Variants in XRRA1 observed in about 807,000 individuals in gnomAD.
The protein encoded by XRRA1 is X-ray radiation resistance-associated protein 1.
In XRRA1, 69 loss-of-function variants were observed where a neutral mutation model predicts 80.2. The observed-to-expected ratio is 0.86, with a 90% CI of 0.71 to 1.05. XRRA1 has a LOEUF of 1.05. Among genes scored for constraint, XRRA1 ranks in the 50% least tolerant of loss-of-function variants. XRRA1 has a pLI of 0.00. For missense variants in XRRA1, 967 were observed against 976.4 expected (o/e 0.99, Z 0.13); for synonymous variants, 348 against 389.9 (o/e 0.89, Z 1.27).
At position 74,881,602 on chromosome 11, in the gene XRRA1, C is replaced by T. The variant is rs912629964; in HGVS notation, c.1004-18581G>A. Reference sequence around the variant, plus strand: ...GGCATGATTTTGCAGCAGCTGGTACCGGTTGTTCCTTTCCATGTTTAGTGC... The same window carrying T: ...GGCATGATTTTGCAGCAGCTGGTACTGGTTGTTCCTTTCCATGTTTAGTGC... On this transcript the variant is annotated intron_variant, in intron 10 of 18. Coordinates refer to ENST00000684022, the MANE Select transcript of XRRA1 (RefSeq NM_001378157.1). 1.7e-4 allele frequency among the ~76,000 whole-genome samples: 25 copies of T among 150,950 alleles called. 1 individual carries two copies. Among genetic ancestry groups the T allele is most frequent in the East Asian group, 1.4e-3 (7 of 5,162 alleles).
Position 74,851,180 on chromosome 11 carries a change from A to T in XRRA1, c.1288T>A (p.Phe430Ile), listed in dbSNP as rs1285570619. ...TGGATTCCCAGTCGCTCCTGGAGGA[A>T]GCTCTTCAGCAGTGGAGGGACCCCT... is the stretch of plus-strand genomic sequence containing the variant. ...TRGVPPLLKS[F>I]LQERLGIHLI... Residue 430 changes from phenylalanine (F) to isoleucine (I), a missense_variant, in exon 14 of 19, where the codon TTC becomes ATC. Physicochemically the swap from Phe to Ile is conservative, Grantham distance 21. Coordinates refer to ENST00000684022, the MANE Select transcript of XRRA1 (RefSeq NM_001378157.1). 1 of 1,612,470 alleles carries T rather than the reference A, an allele frequency of 6.2e-7. No homozygotes were observed.
At chr11:74,872,116 G>T (rs1471793851) in intron 10 of XRRA1, among the ~76,000 whole-genome samples, 1 of 152,150 alleles carries the variant, frequency 6.6e-6, no homozygotes, top group Non-Finnish European at 1.5e-5. Flanking sequence ...GAATGGAAAA[G>T]GAAACACTTA....
chr11:74,931,205 C>T (rs550980), intron 5 of XRRA1, among the ~76,000 whole-genome samples: 77,043 of 151,708 alleles, frequency 0.51, 20,084 homozygotes, highest in Middle Eastern at 0.58. Context: ...TTAAATGCAA[C>T]AATATTTTAG....
chr11:74,920,149 C>T lies in XRRA1; in HGVS notation c.656+1065G>A, dbSNP rs142337217. The stretch of plus-strand genomic sequence containing the variant: ...CGCAGAGACCTGACAACATCCTGTG[C>T]GCCTATATCCAGCCAAAGCATCCAG... On this transcript the variant is annotated intron_variant, in intron 8 of 18. Transcript: ENST00000684022. 3.4e-4 allele frequency: 52 copies of T among 153,758 alleles called. No homozygotes were observed. The East Asian group carries it at 3.4e-3, about 10-fold the overall frequency. The allele number at this position is 153,758 out of a possible 1,614,324, so 9.5% of individuals were successfully genotyped here.
intron 10 of XRRA1, among the ~76,000 whole-genome samples, chr11:74,888,837 A>G (rs992301485): frequency 1.3e-5 from 2 of 152,320 alleles, no homozygotes; most frequent in East Asian, 3.9e-4. Context: ...AATGAAATGA[A>G]GCGAGAAGAG....
rs2036731126 is a variant in XRRA1 at position 74,842,628 on chromosome 11, T to C, written c.*572A>G. Reference sequence around the variant, plus strand: ...ACTACGTCTTTTGGCATAAGTTATGTCCAGTTTACAGTTTGCTCCAATTTA... The same window carrying C: ...ACTACGTCTTTTGGCATAAGTTATGCCCAGTTTACAGTTTGCTCCAATTTA... On this transcript the variant is annotated 3_prime_UTR_variant, in exon 19 of 19. Transcript: ENST00000684022. The C allele has an allele frequency of 6.6e-6, 1 of 152,638 alleles. No individual in the cohort carries two copies. The highest frequency in any genetic ancestry group is 1.5e-5 in the Non-Finnish European group (1 of 68,414). The allele number at this position is 152,638 out of a possible 1,614,324, so 9.5% of individuals were successfully genotyped here. A position where few individuals can be genotyped will look rare whatever the true frequency, so the allele number is the denominator to read the frequency against.
At chr11:74,927,102 C>G (rs1271920096) in intron 7 of XRRA1, among the ~76,000 whole-genome samples, 2 of 152,188 alleles carry the variant, frequency 1.3e-5, no homozygotes, top group Non-Finnish European at 2.9e-5. Context: ...CTTTTCTGCA[C>G]AGACTCCCTT....
intron 9 of XRRA1, 90 bp from the exon 10 acceptor site, chr11:74,906,546 C>A (rs2054642417): frequency 1.4e-6 from 2 of 1,422,584 alleles, no homozygotes; most frequent in Admixed American, 2.1e-5. Context: ...AACATGGAAT[C>A]AGGCTTGGAT....
intron 12 of XRRA1, among the ~76,000 whole-genome samples, chr11:74,856,308 A>G (rs986556680): frequency 1.6e-4 from 24 of 152,246 alleles, no homozygotes; most frequent in African/African-American, 5.3e-4. Flanking sequence ...AAAAGATATA[A>G]TATGTTAGGT....
intron 10 of XRRA1, among the ~76,000 whole-genome samples, chr11:74,889,049 C>G (rs1340742339): frequency 2.6e-5 from 4 of 152,208 alleles, no homozygotes; most frequent in East Asian, 1.9e-4. Flanking sequence ...AGGAAATACA[C>G]AGAACGCCAC....
chr11:74,865,082 AC>A (rs2136043935), intron 10 of XRRA1, among the ~76,000 whole-genome samples: 1 of 151,820 alleles, frequency 6.6e-6, no homozygotes, highest in South Asian at 2.1e-4. Context: ...CTGTGCTGAG[AC>A]CTGCTGGGAG....
Position 74,925,301 on chromosome 11 carries a change from T to C in XRRA1, c.522+2090A>G, listed in dbSNP as rs896704483. ...GATCTGTAATCCGAGAATCAAACCA[T>C]GGCAAAGTTAAGTTTTTCTAAATTG... On this transcript the variant is annotated intron_variant, in intron 7 of 18. Coordinates refer to ENST00000684022, the MANE Select transcript of XRRA1 (RefSeq NM_001378157.1). Among the ~76,000 whole-genome samples, 16 of 152,344 alleles carry C rather than the reference T, an allele frequency of 1.1e-4. No homozygotes were observed. In the East Asian group the frequency reaches 1.7e-3, roughly 17 times the overall value.
intron 10 of XRRA1, among the ~76,000 whole-genome samples, chr11:74,905,641 T>C (rs2054425049): frequency 6.6e-6 from 1 of 152,218 alleles, no homozygotes; most frequent in Admixed American, 6.5e-5. Flanking sequence ...GTCTAGCAAG[T>C]CTTTCCCCAG....
intron 10 of XRRA1, among the ~76,000 whole-genome samples, chr11:74,882,999 C>T (rs927191732): frequency 2.0e-5 from 3 of 152,240 alleles, no homozygotes; most frequent in African/African-American, 7.2e-5. Flanking sequence ...GTGGAGCCTA[C>T]AGAGACAGGC....
In XRRA1 at chr11:74,874,978, T is replaced by C. The variant is rs11501911; in HGVS notation, c.1004-11957A>G. Among the ~76,000 whole-genome samples, 715 of 152,352 alleles carry C rather than the reference T, an allele frequency of 4.7e-3. 6 individuals carry two copies. Among genetic ancestry groups the C allele is most frequent in the African/African-American group, 0.016 (664 of 41,574 alleles). On this transcript the variant is annotated intron_variant, in intron 10 of 18. Transcript: ENST00000684022. ...ACAAGCATTCAACTAGCTGAACTGA[T>C]AGCTCTTACAAGAACACTTGAATTA... is the stretch of plus-strand genomic sequence containing the variant.
At chr11:74,846,856 A>G (rs1481998975) in intron 15 of XRRA1, among the ~76,000 whole-genome samples, 1 of 151,978 alleles carries the variant, frequency 6.6e-6, no homozygotes, top group Non-Finnish European at 1.5e-5. Flanking sequence ...GTCTGCTCTC[A>G]CCACTTCTGT....
intron 7 of XRRA1, among the ~76,000 whole-genome samples, chr11:74,923,680 G>A (rs1346427684): frequency 6.6e-6 from 1 of 152,076 alleles, no homozygotes; most frequent in African/African-American, 2.4e-5. Context: ...AAGTTTCCAA[G>A]GTTCTCCCCA....
chr11:74,872,131 T>C (rs2136267377), intron 10 of XRRA1, among the ~76,000 whole-genome samples: 1 of 152,338 alleles, frequency 6.6e-6, no homozygotes, highest in Admixed American at 6.5e-5. Context: ...CACTTATTAA[T>C]GTGCATATTG....
intron 1 of XRRA1, among the ~76,000 whole-genome samples, chr11:74,946,742 T>TGGCC (rs1947613873): frequency 2.6e-5 from 4 of 151,676 alleles, no homozygotes; most frequent in African/African-American, 9.7e-5. Flanking sequence ...TGGGTCCTAC[T>TGGCC]TACCTCTTTT....
Sources: gnomAD v4.1 joint callset for allele counts (sites outside exome capture counted in the v4.1 genomes callset) on GRCh38, gnomAD v4.1.1 for gene constraint, MANE v1.5 for transcripts, NCBI Gene and HGNC (gene_info 2026-07-23, HGNC 2026-07-21) for gene names.